The following SPMAP2L variants were observed in gnomAD, a reference collection of about 807,000 sequenced individuals.
The protein encoded by SPMAP2L is sperm microtubule associated protein 2-like.
At chr4:56,618,295 TAGAG>T in the SPMAP2L span, among the ~76,000 whole-genome samples, 2 of 152,172 alleles carry the variant, frequency 1.3e-5, no homozygotes, top group Admixed American at 1.3e-4. Context: ...GCAGGTTTAT[TAGAG>T]AAAGTATGAA....
chr4:56,566,792 G>C, the SPMAP2L span, among the ~76,000 whole-genome samples: 2 of 147,234 alleles, frequency 1.4e-5, no homozygotes, highest in South Asian at 2.2e-4. Flanking sequence ...CGCCTCCCGG[G>C]TTCAAGCGAT....
chr4:56,543,947 A>AGT, the SPMAP2L span, among the ~76,000 whole-genome samples: 145 of 126,616 alleles, frequency 1.1e-3, no homozygotes, highest in Admixed American at 2.2e-3. Flanking sequence ...AGAGAGAGAG[A>AGT]GAGTGTGTGT....
chr4:56,590,458 G>A, the SPMAP2L span, among the ~76,000 whole-genome samples: 1 of 152,312 alleles, frequency 6.6e-6, no homozygotes, highest in East Asian at 1.9e-4. Flanking sequence ...CATTCACATA[G>A]TTTCAAATGG....
At chr4:56,588,805 G>T in the SPMAP2L span, among the ~76,000 whole-genome samples, 1 of 152,110 alleles carries the variant, frequency 6.6e-6, no homozygotes, top group Admixed American at 6.5e-5. Flanking sequence ...TTTGTATAAG[G>T]TGAGAGATGA....
chr4:56,564,042 G>A, the SPMAP2L span, among the ~76,000 whole-genome samples: 1 of 152,134 alleles, frequency 6.6e-6, no homozygotes, highest in African/African-American at 2.4e-5. Flanking sequence ...TATAGATATA[G>A]GGCTATTCAG....
the SPMAP2L span, among the ~76,000 whole-genome samples, chr4:56,556,818 T>C: frequency 6.6e-6 from 1 of 151,924 alleles, no homozygotes; most frequent in Non-Finnish European, 1.5e-5. Flanking sequence ...GCAGTTGCAG[T>C]GAGCCGAGAT....
chr4:56,609,735 G>C, the SPMAP2L span, among the ~76,000 whole-genome samples: 1 of 152,162 alleles, frequency 6.6e-6, no homozygotes, highest in African/African-American at 2.4e-5. Context: ...GCTTGAGAGA[G>C]TTCATCCCTT....
At chr4:56,575,175 G>A in the SPMAP2L span, among the ~76,000 whole-genome samples, 1 of 152,012 alleles carries the variant, frequency 6.6e-6, no homozygotes, top group East Asian at 1.9e-4. Flanking sequence ...CGTGAACCTG[G>A]GAGGCGGAGC....
chr4:56,608,283 G>A, the SPMAP2L span, among the ~76,000 whole-genome samples: 1 of 152,120 alleles, frequency 6.6e-6, no homozygotes, highest in African/African-American at 2.4e-5. Context: ...TAAAAGAGAG[G>A]CAGAACTTAA....
chr4:56,572,164 A>G, the SPMAP2L span, among the ~76,000 whole-genome samples: 1 of 152,174 alleles, frequency 6.6e-6, no homozygotes, highest in Non-Finnish European at 1.5e-5. Context: ...AGTATTATAT[A>G]CTGTTTAAAA....
the SPMAP2L span, chr4:56,530,627 C>T: frequency 6.6e-7 from 1 of 1,506,064 alleles, no homozygotes; most frequent in East Asian, 2.5e-5. Context: ...TGCGCCTGGG[C>T]AACCAGTCGG....
At chr4:56,606,001 T>C in the SPMAP2L span, among the ~76,000 whole-genome samples, 3 of 152,182 alleles carry the variant, frequency 2.0e-5, no homozygotes, top group Non-Finnish European at 4.4e-5. Context: ...ATTATTACAT[T>C]TGAGTCCCCC....
the SPMAP2L span, among the ~76,000 whole-genome samples, chr4:56,601,546 C>T: frequency 2.6e-5 from 4 of 152,080 alleles, no homozygotes; most frequent in African/African-American, 9.7e-5. Flanking sequence ...ATCGCTTGAG[C>T]CCAGGAGTTT....
At chr4:56,609,054 T>C in the SPMAP2L span, among the ~76,000 whole-genome samples, 16 of 143,392 alleles carry the variant, frequency 1.1e-4, no homozygotes, top group East Asian at 7.8e-4. Context: ...TTCTTTCTTT[T>C]TTTTTTTTTT....
chr4:56,575,215 C>T, the SPMAP2L span, among the ~76,000 whole-genome samples: 8 of 150,762 alleles, frequency 5.3e-5, no homozygotes, highest in African/African-American at 2.0e-4. Flanking sequence ...CACCACTGCA[C>T]TCCAGTCTGG....
At chr4:56,594,214 C>T in the SPMAP2L span, 2 of 1,610,634 alleles carry the variant, frequency 1.2e-6, no homozygotes, top group South Asian at 2.2e-5. Context: ...CCAGCCCGTT[C>T]CTCACCCATC....
chr4:56,580,912 G>A, the SPMAP2L span, among the ~76,000 whole-genome samples: 4 of 151,982 alleles, frequency 2.6e-5, no homozygotes, highest in African/African-American at 9.7e-5. Flanking sequence ...ATACATATAA[G>A]GAATATTGCT....
chr4:56,567,945 CCTT>C, the SPMAP2L span, among the ~76,000 whole-genome samples: 5 of 152,048 alleles, frequency 3.3e-5, no homozygotes, highest in African/African-American at 1.2e-4. Context: ...TTCTGCTCCT[CCTT>C]CTTTGCGGGC....
At chr4:56,596,697 C>A in the SPMAP2L span, 1 of 1,400,576 alleles carries the variant, frequency 7.1e-7, no homozygotes, top group Non-Finnish European at 9.2e-7. Flanking sequence ...GCTATTTTGC[C>A]TCTACAGGGC....
Sources: gnomAD v4.1 joint callset for allele counts (sites outside exome capture counted in the v4.1 genomes callset) on GRCh38, gnomAD v4.1.1 for gene constraint, MANE v1.5 for transcripts, NCBI Gene and HGNC (gene_info 2026-07-23, HGNC 2026-07-21) for gene names.